Variants in SPATA9 observed in about 807,000 individuals in gnomAD.
SPATA9 encodes the protein spermatogenesis-associated protein 9.
SPATA9 carries 27 observed loss-of-function variants against 25.5 expected under a neutral mutation model. That is an observed-to-expected ratio of 1.06 (90% confidence interval 0.78 to 1.46). The LOEUF is 1.46. Ranked by LOEUF, SPATA9 falls within the 40% of genes most tolerant of loss-of-function variation. The pLI is 0.00. For synonymous variants in SPATA9, 102 were observed against 105.7 expected (o/e 0.97, Z 0.21); for missense variants, 282 against 297.5 (o/e 0.95, Z 0.38).
chr5:95,656,409 C>A, downstream of SPATA9: 1 of 877,352 alleles, frequency 1.1e-6, no homozygotes, highest in Non-Finnish European at 1.7e-6. Flanking sequence ...TCAACATAGG[C>A]ACAACTGTTT....
chr5:95,723,085 A>G, the SPATA9 span, among the ~76,000 whole-genome samples: 21 of 152,322 alleles, frequency 1.4e-4, no homozygotes, highest in African/African-American at 4.6e-4. Context: ...CATGTACATA[A>G]CATTCTAGAT....
chr5:95,685,132 T>TA (rs1166369328), upstream of SPATA9, among the ~76,000 whole-genome samples: 2 of 152,236 alleles, frequency 1.3e-5, no homozygotes, highest in East Asian at 3.8e-4. Flanking sequence ...ATAAGCCTCT[T>TA]ACCTTTTAAA....
At chr5:95,673,732 T>TTTTTTC (rs1327856445) in intron 3 of SPATA9, among the ~76,000 whole-genome samples, 1 of 151,754 alleles carries the variant, frequency 6.6e-6, no homozygotes, top group African/African-American at 2.4e-5. Flanking sequence ...TATTTTCCTT[T>TTTTTTC]TTTTTCTTTT....
Position 95,658,748 on chromosome 5 carries a change from T to C in SPATA9, c.640A>G (p.Arg214Gly). The C allele has an allele frequency of 6.2e-7, 1 of 1,613,914 alleles. No homozygotes were observed. The highest frequency in any genetic ancestry group is 1.1e-5 in the South Asian group (1 of 91,070). Residue 214 changes from arginine (R) to glycine (G), a missense_variant, in exon 5 of 5, where the codon AGG becomes GGG. Physicochemically the swap from Arg to Gly is moderately radical, Grantham distance 125 (BLOSUM62 -2). Transcript: ENST00000274432. Reference sequence around the variant, plus strand: ...ATGTCTGGCTTCTCCGGCAATGACCTATAAGGTTTTGCTTTGATTTCACCT... The same window carrying C: ...ATGTCTGGCTTCTCCGGCAATGACCCATAAGGTTTTGCTTTGATTTCACCT... ...AEGEIKAKPY[R>G]SLPEKPDISD...
intron 4 of SPATA9, 110 bp from the exon 5 acceptor site, chr5:95,659,023 T>C (rs967171303): frequency 4.3e-6 from 6 of 1,385,374 alleles, no homozygotes. Flanking sequence ...CTACATAATC[T>C]AATAAAAAAC....
At chr5:95,711,722 A>G in the SPATA9 span, among the ~76,000 whole-genome samples, 1 of 152,214 alleles carries the variant, frequency 6.6e-6, no homozygotes, top group Non-Finnish European at 1.5e-5. Flanking sequence ...CCGAACCGGC[A>G]GAGGGTTGAG....
Position 95,668,309 on chromosome 5 carries a change from T to G in SPATA9, c.379-4261A>C, listed in dbSNP as rs141318616. On this transcript the variant is annotated intron_variant, in intron 3 of 4. Coordinates refer to ENST00000274432, the MANE Select transcript of SPATA9 (RefSeq NM_031952.4). ...ATCTTTATATTGTTTAAGGGTCATA[T>G]TTAAATATTTTAATGCTTTTAATAA... Among the ~76,000 whole-genome samples the G allele has an allele frequency of 8.3e-3, 1,264 of 152,354 alleles. 19 individuals are homozygous for G. Among genetic ancestry groups the G allele is most frequent in the African/African-American group, 0.027 (1,135 of 41,584 alleles).
At chr5:95,708,882 C>T in the SPATA9 span, 1 of 449,432 alleles carries the variant, frequency 2.2e-6, no homozygotes, top group African/African-American at 2.0e-5. Context: ...GCACGGAGGA[C>T]ATAATAGGTG....
chr5:95,713,282 G>C, the SPATA9 span, among the ~76,000 whole-genome samples: 59,595 of 146,540 alleles, frequency 0.41, 10,991 homozygotes, highest in African/African-American at 0.48. Flanking sequence ...CTGCCCAGTT[G>C]ATATGGTTTG....
the SPATA9 span, chr5:95,730,935 C>G: frequency 2.2e-6 from 1 of 463,532 alleles, no homozygotes; most frequent in Non-Finnish European, 4.3e-6. Flanking sequence ...GGGGGGAAAT[C>G]GGGTTGCTGG....
rs375541964 is a variant in SPATA9 at position 95,675,519 on chromosome 5, T to C, written c.271A>G (p.Lys91Glu). 3 of 1,614,062 alleles carry C rather than the reference T, an allele frequency of 1.9e-6. No individual in the cohort carries two copies. The African/African-American group carries it at 4.0e-5, about 22-fold the overall frequency. The change falls in exon 3 of 5, where the codon AAA becomes GAA. Residue 91 changes from lysine to glutamate, a missense_variant. By Grantham distance (56) the Lys-to-Glu change is moderately conservative. Coordinates refer to ENST00000274432, the MANE Select transcript of SPATA9 (RefSeq NM_031952.4). ...SISRSSKSVA[K>E]LLHPQLACRL... ...CATGCAAGCTGAGGATGCAGAAGTT[T>C]GGCCACTGATTTGGAGGATCTGGAT...
At position 95,695,957 on chromosome 5, in the gene SPATA9, G is replaced by A. The variant is rs116134528; in HGVS notation, n.124+2631C>T. Reference sequence around the variant, plus strand: ...TCTCTGAATCCCCATCTCTCTCTAAGGAAAACCAGCTACCATGTTGAGAGC... The same window carrying A: ...TCTCTGAATCCCCATCTCTCTCTAAAGAAAACCAGCTACCATGTTGAGAGC... On this transcript the variant is annotated intron_variant and non_coding_transcript_variant, in intron 1 of 2. Transcript: ENST00000379990. 8.8e-3 allele frequency among the ~76,000 whole-genome samples: 1,338 copies of A among 152,288 alleles called. 20 individuals carry two copies. Among genetic ancestry groups the A allele is most frequent in the African/African-American group, 0.029 (1,192 of 41,560 alleles).
the SPATA9 span, chr5:95,731,317 G>T: frequency 2.8e-6 from 3 of 1,072,854 alleles, no homozygotes; most frequent in Non-Finnish European, 3.4e-6. Flanking sequence ...CTTAGAGGAG[G>T]AGGAGCAGCG....
chr5:95,654,514 T>C (rs1449073348), downstream of SPATA9: 22 of 641,204 alleles, frequency 3.4e-5, no homozygotes, highest in Non-Finnish European at 2.2e-5. Context: ...AATATGCTTA[T>C]CTTTTGACCT....
chr5:95,727,084 C>A, the SPATA9 span, among the ~76,000 whole-genome samples: 6 of 151,878 alleles, frequency 4.0e-5, no homozygotes, highest in Non-Finnish European at 8.8e-5. Flanking sequence ...TTAAAAATTG[C>A]GTTTGTTTTT....
At chr5:95,671,895 T>G (rs993660276) in intron 3 of SPATA9, among the ~76,000 whole-genome samples, 5 of 143,242 alleles carry the variant, frequency 3.5e-5, no homozygotes, top group Non-Finnish European at 6.0e-5. Context: ...ACATGTACCC[T>G]AAAACTTAAA....
chr5:95,663,957 TA>T lies in SPATA9; in HGVS notation c.469del (p.Tyr157IlefsTer10). 1 of 1,526,580 alleles carries T rather than the reference TA, an allele frequency of 6.6e-7. No individual in the cohort carries two copies. Among genetic ancestry groups the T allele is most frequent in the South Asian group, 1.3e-5 (1 of 78,222 alleles). The allele number at this position is 1,526,580 out of a possible 1,614,324, so 94.6% of individuals were successfully genotyped here. ...CTAATAATTTTCTTAACTTACCAAA[TA>T]AATTAGTGCTGCATATGAAGCATAT... ...IIYASYAALI[Y>X]LAVCVNAVLK... On this transcript the variant is annotated frameshift_variant, in exon 4 of 5. Coordinates refer to ENST00000274432, the MANE Select transcript of SPATA9 (RefSeq NM_031952.4). LOFTEE classifies it high-confidence loss of function.
At chr5:95,686,484 T>C (rs960725341), upstream of SPATA9, among the ~76,000 whole-genome samples, 2 of 152,226 alleles carry the variant, frequency 1.3e-5, no homozygotes, top group African/African-American at 2.4e-5. Context: ...ATTGTTCACT[T>C]ACGTCTAATT....
the SPATA9 span, chr5:95,731,683 A>C: frequency 5.0e-6 from 8 of 1,613,338 alleles, no homozygotes; most frequent in Non-Finnish European, 5.1e-6. Flanking sequence ...ATTTGAGATC[A>C]TGTACGTACG....
Sources: gnomAD v4.1 joint callset for allele counts (sites outside exome capture counted in the v4.1 genomes callset) on GRCh38, gnomAD v4.1.1 for gene constraint, MANE v1.5 for transcripts, NCBI Gene and HGNC (gene_info 2026-07-23, HGNC 2026-07-21) for gene names.